The following MICAL2 variants were observed in gnomAD, a reference collection of about 807,000 sequenced individuals.
The protein encoded by MICAL2 is microtubule associated monooxygenase, calponin and LIM domain containing 2, also known as [F-actin]-monooxygenase MICAL2.
MICAL2 carries 77 observed loss-of-function variants against 127.3 expected under a neutral mutation model. That is an observed-to-expected ratio of 0.60 (90% CI 0.50 to 0.73). The LOEUF (loss-of-function observed/expected upper bound fraction) is 0.73, where lower values mean the gene tolerates loss of function less well. Among genes scored for constraint, MICAL2 ranks in the 30% least tolerant of loss-of-function variants. The pLI, the probability that MICAL2 is intolerant of heterozygous loss-of-function variation, is 0.00. For missense variants in MICAL2, 1,351 were observed against 1,434.4 expected (o/e 0.94, Z 0.94); for synonymous variants, 570 against 551.1 (o/e 1.03, Z -0.48).
chr11:12,209,654 A>C (rs928155969), intron 6 of MICAL2, 56 bp downstream of exon 6: 32 of 1,476,580 alleles, frequency 2.2e-5, no homozygotes, highest in Non-Finnish European at 2.9e-5. Flanking sequence ...GAGAGGGTAC[A>C]TTGGGGAAGA....
intron 33 of MICAL2, among the ~76,000 whole-genome samples, chr11:12,353,775 A>G (rs1939089730): frequency 6.6e-6 from 1 of 152,130 alleles, no homozygotes; most frequent in Non-Finnish European, 1.5e-5. Flanking sequence ...CCAAAGCATC[A>G]CTGACTCTTT....
chr11:12,182,017 C>G (rs1267592853), intron 3 of MICAL2, among the ~76,000 whole-genome samples: 1 of 152,226 alleles, frequency 6.6e-6, no homozygotes, highest in African/African-American at 2.4e-5. Flanking sequence ...TTCATTCCTT[C>G]TTGCAGTGGT....
At chr11:12,146,355 A>G (rs910959681) in intron 2 of MICAL2, among the ~76,000 whole-genome samples, 14 of 152,256 alleles carry the variant, frequency 9.2e-5, no homozygotes, top group Non-Finnish European at 1.3e-4. Context: ...CAAAGAACTC[A>G]AACAAATTTA....
intron 29 of MICAL2, among the ~76,000 whole-genome samples, chr11:12,301,323 C>T (rs1864043711): frequency 6.6e-6 from 1 of 152,186 alleles, no homozygotes; most frequent in Non-Finnish European, 1.5e-5. Context: ...ATGTTATGTG[C>T]AGAAGTGGTT....
intron 2 of MICAL2, 180 bp from the exon 3 acceptor site, chr11:12,161,899 C>T (rs1013833369): frequency 2.1e-5 from 11 of 524,488 alleles, no homozygotes; most frequent in African/African-American, 3.8e-5. Flanking sequence ...AATGCCACAT[C>T]GACAGGCCAA....
At chr11:12,324,126 C>G in intron 31 of MICAL2, 1 of 1,571,916 alleles carries the variant, frequency 6.4e-7, no homozygotes, top group South Asian at 1.2e-5. Flanking sequence ...TCCTGGGACT[C>G]TGGATGGGAA....
chr11:12,306,100 A>G (rs1291011582), intron 29 of MICAL2, among the ~76,000 whole-genome samples: 1 of 152,198 alleles, frequency 6.6e-6, no homozygotes, highest in Non-Finnish European at 1.5e-5. Flanking sequence ...ACTCGTAAGT[A>G]TAGAGCTTTT....
At chr11:12,191,972 G>GAA (rs1307738763) in intron 3 of MICAL2, among the ~76,000 whole-genome samples, 2 of 151,988 alleles carry the variant, frequency 1.3e-5, no homozygotes, top group Non-Finnish European at 2.9e-5. Flanking sequence ...GACCAGCAAG[G>GAA]AGCTCCCTTA....
intron 3 of MICAL2, among the ~76,000 whole-genome samples, chr11:12,168,448 C>CACACA (rs1363453862): frequency 6.6e-6 from 1 of 151,106 alleles, no homozygotes. Flanking sequence ...CATACACACA[C>CACACA]CACACACACG....
downstream of MICAL2, among the ~76,000 whole-genome samples, chr11:12,266,945 G>C (rs114576276): frequency 1.3e-5 from 2 of 152,206 alleles, no homozygotes; most frequent in African/African-American, 4.8e-5. Flanking sequence ...AGCATAGAGC[G>C]CCCAGAGGAA....
chr11:12,193,812 G>A (rs976667438), intron 3 of MICAL2, among the ~76,000 whole-genome samples: 10 of 152,224 alleles, frequency 6.6e-5, no homozygotes, highest in African/African-American at 2.4e-4. Context: ...AGCATTTCAT[G>A]TCTTGGTTTT....
rs148781559 is a variant in MICAL2 at position 12,285,386 on chromosome 11, G to A, written c.255-1701G>A. ...TTAAACCACAATTTCTAATCTTGCG[G>A]CTAATTTGTTAGTCCTGCAAAGGCA... On this transcript the variant is annotated intron_variant, in intron 2 of 2. Transcript: ENST00000529028. 2.2e-3 allele frequency among the ~76,000 whole-genome samples: 342 copies of A among 152,296 alleles called. 2 individuals carry two copies. Among genetic ancestry groups the A allele is most frequent in the Middle Eastern group, 0.014 (4 of 294 alleles).
downstream of MICAL2, among the ~76,000 whole-genome samples, chr11:12,265,913 C>T (rs1226697338): frequency 2.0e-5 from 3 of 151,958 alleles, no homozygotes; most frequent in Admixed American, 6.6e-5. Flanking sequence ...GTCAGGAGTT[C>T]GTGACCAGCC....
At chr11:12,349,708 G>A in intron 32 of MICAL2, 1 of 755,930 alleles carries the variant, frequency 1.3e-6, no homozygotes, top group Non-Finnish European at 2.2e-6. Context: ...GGCACCTACA[G>A]GGTGTCAGGG....
At chr11:12,112,372 A>G (rs937042425) in intron 1 of MICAL2, among the ~76,000 whole-genome samples, 5 of 152,120 alleles carry the variant, frequency 3.3e-5, no homozygotes, top group Non-Finnish European at 7.4e-5. Context: ...AGAGTAGTGG[A>G]TAGTGTTGGC....
At chr11:12,303,303 C>T (rs10741581) in intron 29 of MICAL2, among the ~76,000 whole-genome samples, 61,515 of 151,672 alleles carry the variant, frequency 0.41, 13,350 homozygotes, top group African/African-American at 0.55. Context: ...TAGATGTTCT[C>T]GCTTACCTTC....
At chr11:12,154,327 C>T (rs1165945935) in intron 2 of MICAL2, among the ~76,000 whole-genome samples, 1 of 152,122 alleles carries the variant, frequency 6.6e-6, no homozygotes, top group Non-Finnish European at 1.5e-5. Context: ...CCACCAAGAC[C>T]TGAGCGCTTG....
intron 26 of MICAL2, chr11:12,261,127 C>T: frequency 1.0e-6 from 1 of 985,514 alleles, no homozygotes. Context: ...ATGTGGTGTC[C>T]TTTGGGACTG....
At chr11:12,213,480 G>C (rs931142253) in intron 7 of MICAL2, 70 bp downstream of exon 7, 1 of 1,484,872 alleles carries the variant, frequency 6.7e-7, no homozygotes, top group African/African-American at 1.4e-5. Context: ...GTGCAGAGGC[G>C]TGTGCTGGCT....
Sources: gnomAD v4.1 joint callset for allele counts (sites outside exome capture counted in the v4.1 genomes callset) on GRCh38, gnomAD v4.1.1 for gene constraint, MANE v1.5 for transcripts, NCBI Gene and HGNC (gene_info 2026-07-23, HGNC 2026-07-21) for gene names.